The following AMD1 variants were observed in gnomAD, a reference collection of about 807,000 sequenced individuals.
The protein encoded by AMD1 is S-adenosylmethionine decarboxylase proenzyme.
A neutral mutation model predicts 40.2 loss-of-function variants in AMD1; 11 were observed. The observed-to-expected ratio is 0.27, with a 90% CI of 0.17 to 0.45. The LOEUF is 0.45. Ranked by LOEUF, AMD1 falls within the 20% of genes least tolerant of loss-of-function variation. AMD1 has a pLI of 1.00. For missense variants in AMD1, 257 were observed against 410.2 expected, an observed-to-expected ratio of 0.63 and a Z score of 3.23; for synonymous variants, 121 against 130.8, an observed-to-expected ratio of 0.93 and a Z score of 0.51.
chr6:110,851,261 C>T, the AMD1 span, among the ~76,000 whole-genome samples: 1 of 152,094 alleles, frequency 6.6e-6, no homozygotes, highest in East Asian at 1.9e-4. Context: ...CCACCACGCC[C>T]GGCCTTTTCT....
chr6:110,872,190 G>C (rs1322216025), upstream of AMD1, among the ~76,000 whole-genome samples: 1 of 152,204 alleles, frequency 6.6e-6, no homozygotes, highest in East Asian at 1.9e-4. Context: ...GAATTTGAAG[G>C]AGAGATGAGG....
Position 110,890,337 on chromosome 6 carries a change from T to C in AMD1, c.408T>C (p.Phe136=). 6.3e-7 allele frequency: 1 copy of C among 1,596,344 alleles called. No individual in the cohort carries two copies. The change falls in exon 4 of 9, where the codon TTT becomes TTC. Residue 136 remains phenylalanine, a synonymous_variant. Transcript: ENST00000368885. The part of the protein sequence containing the change: ...PHRNFQEEIE[F]LNAIFPNGAA... ...GGAATTTCCAGGAAGAAATAGAGTTTCTTAATGCAATTTTCCCAAGTAAGT... is the reference window on the plus strand; with the variant it reads ...GGAATTTCCAGGAAGAAATAGAGTTCCTTAATGCAATTTTCCCAAGTAAGT...
At chr6:110,847,449 C>T in the AMD1 span, among the ~76,000 whole-genome samples, 4 of 151,448 alleles carry the variant, frequency 2.6e-5, no homozygotes, top group South Asian at 4.2e-4. Context: ...GGCGTGAACC[C>T]GGGAGACGGA....
At chr6:110,829,592 C>G in the AMD1 span, among the ~76,000 whole-genome samples, 11 of 151,960 alleles carry the variant, frequency 7.2e-5, no homozygotes, top group African/African-American at 2.7e-4. Context: ...TGGCGTGAAC[C>G]CAGGAGGCAG....
At chr6:110,830,144 A>G in the AMD1 span, among the ~76,000 whole-genome samples, 1 of 151,850 alleles carries the variant, frequency 6.6e-6, no homozygotes, top group Non-Finnish European at 1.5e-5. Context: ...CCTCCTGAGT[A>G]GCTGGGACTA....
At chr6:110,865,048 T>C in the AMD1 span, among the ~76,000 whole-genome samples, 1 of 152,204 alleles carries the variant, frequency 6.6e-6, no homozygotes, top group African/African-American at 2.4e-5. Flanking sequence ...GCTGTTGAAG[T>C]AGGAGAAAGA....
At chr6:110,887,632 C>A in intron 2 of AMD1, 41 bp downstream of exon 2, 1 of 1,372,002 alleles carries the variant, frequency 7.3e-7, no homozygotes, top group Non-Finnish European at 1.0e-6. Context: ...TAATTTCAGT[C>A]CTAATCATAA....
At position 110,881,859 on chromosome 6, in the gene AMD1, A is replaced by G. The variant is rs72937593; in HGVS notation, c.111-5646A>G. Among the ~76,000 whole-genome samples, 429 of 152,016 alleles carry G rather than the reference A, an allele frequency of 2.8e-3. 3 individuals carry two copies. Among genetic ancestry groups the G allele is most frequent in the South Asian group, 0.013 (65 of 4,816 alleles). Reference sequence around the variant, plus strand: ...AAAAATTGTGTGCTTGAATAGCTTTATAATAATTTCTAATGACTAGATCAG... The same window carrying G: ...AAAAATTGTGTGCTTGAATAGCTTTGTAATAATTTCTAATGACTAGATCAG... On this transcript the variant is annotated intron_variant, in intron 1 of 8. Transcript: ENST00000368885.
At chr6:110,846,796 G>T in the AMD1 span, among the ~76,000 whole-genome samples, 1 of 152,026 alleles carries the variant, frequency 6.6e-6, no homozygotes, top group Non-Finnish European at 1.5e-5. Context: ...CTTGAACTCA[G>T]TAGGCAGAGG....
At chr6:110,863,014 G>A in the AMD1 span, among the ~76,000 whole-genome samples, 2 of 150,596 alleles carry the variant, frequency 1.3e-5, no homozygotes, top group South Asian at 2.1e-4. Flanking sequence ...GCGTGATCTC[G>A]GCTCACTGCA....
chr6:110,862,934 G>T, the AMD1 span, among the ~76,000 whole-genome samples: 7 of 104,628 alleles, frequency 6.7e-5, no homozygotes, highest in African/African-American at 1.9e-4. Flanking sequence ...TTGTTTGTTT[G>T]TTTTTGTTTG....
intron 6 of AMD1, 134 bp from the exon 7 acceptor site, chr6:110,892,601 C>T (rs1204498132): frequency 1.4e-6 from 2 of 1,389,994 alleles, no homozygotes; most frequent in African/African-American, 1.4e-5. Context: ...ATTTCGTCAC[C>T]CAGGTGTTAA....
At chr6:110,829,956 A>G in the AMD1 span, among the ~76,000 whole-genome samples, 1 of 152,008 alleles carries the variant, frequency 6.6e-6, no homozygotes, top group Non-Finnish European at 1.5e-5. Flanking sequence ...GTTTAACCTC[A>G]CTTTAAGTGT....
chr6:110,820,598 G>T, the AMD1 span, among the ~76,000 whole-genome samples: 1 of 150,142 alleles, frequency 6.7e-6, no homozygotes, highest in African/African-American at 2.4e-5. Flanking sequence ...GTTAGTAAAT[G>T]ATTATCATTA....
chr6:110,865,263 A>G, the AMD1 span, among the ~76,000 whole-genome samples: 3 of 152,240 alleles, frequency 2.0e-5, no homozygotes, highest in African/African-American at 7.2e-5. Flanking sequence ...TCAGATGGGT[A>G]GCTGAGGAAC....
chr6:110,851,975 T>A, the AMD1 span, among the ~76,000 whole-genome samples: 1 of 152,004 alleles, frequency 6.6e-6, no homozygotes, highest in Admixed American at 6.6e-5. Flanking sequence ...TGTGCATAAA[T>A]TGAATTATTT....
At chr6:110,840,013 CTT>C in the AMD1 span, among the ~76,000 whole-genome samples, 16 of 92,856 alleles carry the variant, frequency 1.7e-4, no homozygotes, top group African/African-American at 4.1e-4. Flanking sequence ...GATTCTCTCT[CTT>C]TTTTTTTTTT....
chr6:110,892,717 G>C lies in AMD1; in HGVS notation c.616-18G>C, dbSNP rs759500430. 1 of 1,513,188 alleles carries C rather than the reference G, an allele frequency of 6.6e-7. No individual in the cohort carries two copies. The highest frequency in any genetic ancestry group is 2.2e-5 in the African/African-American group (1 of 46,108). 93.7% of individuals were successfully genotyped at this position (1,513,188 alleles called of 1,614,324 possible). A position where few individuals can be genotyped will look rare whatever the true frequency, so the allele number is the denominator to read the frequency against. On this transcript the variant is annotated intron_variant, in intron 6 of 8. Coordinates refer to ENST00000368885, the MANE Select transcript of AMD1 (RefSeq NM_001634.6). ...ATTTGTCAAACCCTTGTTAAACTCG[G>C]TCTTTTTCCCCCCCCAGGAGAGTGG...
At chr6:110,881,208 T>C (rs548615406) in intron 1 of AMD1, among the ~76,000 whole-genome samples, 1 of 152,204 alleles carries the variant, frequency 6.6e-6, no homozygotes, top group African/African-American at 2.4e-5. Flanking sequence ...TTAGGGTATC[T>C]CAACCTCAGC....
Sources: allele counts gnomAD v4.1 joint callset (sites outside exome capture counted in the v4.1 genomes callset), GRCh38; gene constraint gnomAD v4.1.1; transcripts MANE v1.5; gene names NCBI Gene and HGNC (gene_info 2026-07-23, HGNC 2026-07-21).